The following DUSP15 variants were observed in gnomAD, a reference collection of about 807,000 sequenced individuals.
DUSP15 encodes dual specificity phosphatase 15, also known as dual specificity protein phosphatase 15.
DUSP15 carries 23 observed loss-of-function variants against 26.3 expected under a neutral mutation model. The ratio of observed to expected loss-of-function variants is 0.87; its 90% CI spans 0.63 to 1.24. The LOEUF is 1.24. DUSP15 is among the 50% of genes most tolerant of loss of function. The pLI, the probability that DUSP15 is intolerant of heterozygous loss-of-function variation, is 0.00. For missense variants in DUSP15, 364 were observed against 320.6 expected, an observed-to-expected ratio of 1.14 and a Z score of -1.03; for synonymous variants, 143 against 135.5, an observed-to-expected ratio of 1.06 and a Z score of -0.39.
At chr20:31,866,655 G>A (rs956829775) in intron 3 of DUSP15, among the ~76,000 whole-genome samples, 2 of 152,186 alleles carry the variant, frequency 1.3e-5, no homozygotes, top group Non-Finnish European at 2.9e-5. Context: ...GCAGCCTTCT[G>A]GGGGCAGACA....
chr20:31,862,728 G>T lies in DUSP15; in HGVS notation c.278C>A (p.Ser93Tyr). 6.2e-7 allele frequency: 1 copy of T among 1,607,460 alleles called. No homozygotes were observed. Among genetic ancestry groups the T allele is most frequent in the Middle Eastern group, 1.7e-4 (1 of 6,034 alleles). ...NCLVHCFAGI[S>Y]RSTTIVTAYV... ...CGCTGTCACAATCGTGGTGCTGCGA[G>T]AGATGCCTGCAAAGCTGGGATCCCC... The change falls in exon 6 of 7, where the codon TCT becomes TAT. Residue 93 changes from serine to tyrosine, a missense_variant. Ser to Tyr is a moderately radical substitution (Grantham distance 144). Transcript: ENST00000339738.
Position 31,869,563 on chromosome 20 carries a change from C to T in DUSP15, c.55+1G>A. On this transcript the variant is annotated splice_donor_variant, in intron 2 of 6. Transcript: ENST00000339738. LOFTEE classifies it high-confidence loss of function. ...CTCGGGACAGAGTGGGCAGTGCTCA[C>T]CAATGAAGTTTCCGAGGTAGAGTCC... 6.2e-7 allele frequency: 1 copy of T among 1,612,850 alleles called. No individual in the cohort carries two copies. Among genetic ancestry groups the T allele is most frequent in the Non-Finnish European group, 8.5e-7 (1 of 1,179,544 alleles).
Position 31,861,530 on chromosome 20 carries a change from T to C in DUSP15, c.581A>G (p.Glu194Gly), listed in dbSNP as rs1408977499. 1 of 1,516,312 alleles carries C rather than the reference T, an allele frequency of 6.6e-7. No homozygotes were observed. The highest frequency in any genetic ancestry group is 2.6e-5 in the East Asian group (1 of 38,192). The allele number at this position is 1,516,312 out of a possible 1,614,324, so 93.9% of individuals were successfully genotyped here. Residue 194 changes from glutamate (E) to glycine (G), a missense_variant, in exon 7 of 7, where the codon GAG becomes GGG. Physicochemically the swap from Glu to Gly is moderately conservative, Grantham distance 98. Transcript: ENST00000339738. ...CGGCACCAGGCGCTGCACGGTTCCC[T>C]CGGAGGCTGCTGAGTGCGGCCCGGC... ...SSAGPHSAAS[E>G]GTVQRLVPRT...
intron 2 of DUSP15, 84 bp from the exon 3 acceptor site, chr20:31,867,237 G>T: frequency 8.1e-7 from 1 of 1,240,392 alleles, no homozygotes; most frequent in Non-Finnish European, 1.2e-6. Flanking sequence ...TGCCTGCCCA[G>T]CTCTCCCTCT....
rs1289312853 is a variant in DUSP15 at position 31,863,935 on chromosome 20, G to T, written c.235C>A (p.Leu79Ile). 6.2e-7 allele frequency: 1 copy of T among 1,613,728 alleles called. No homozygotes were observed. Among genetic ancestry groups the T allele is most frequent in the East Asian group, 2.2e-5 (1 of 44,856 alleles). Reference protein sequence around the residue: ...ECINFIHCCRLNGGNCLVHCF... With the variant: ...ECINFIHCCRINGGNCLVHCF... ...TGCACAAGGCAGTTCCCCCCATTAA[G>T]GCGGCAGCAGTGGATGAAGTTGATA... is the stretch of plus-strand genomic sequence containing the variant. The change falls in exon 5 of 7, where the codon CTT becomes ATT. Residue 79 changes from leucine (L) to isoleucine (I), a missense_variant. Coordinates refer to ENST00000339738, the MANE Select transcript of DUSP15 (RefSeq NM_080611.5).
At chr20:31,852,234 C>A (rs955510624) in intron 6 of DUSP15, among the ~76,000 whole-genome samples, 1 of 152,156 alleles carries the variant, frequency 6.6e-6, no homozygotes. Context: ...GCCTCAAACT[C>A]TTGATCTCAG....
intron 1 of DUSP15, 115 bp from the exon 2 acceptor site, chr20:31,869,712 G>T: frequency 6.5e-7 from 1 of 1,533,260 alleles, no homozygotes; most frequent in Admixed American, 2.0e-5. Context: ...GGACCTCAGG[G>T]CTCAGGGAGC....
At position 31,870,511 on chromosome 20, in the gene DUSP15, C is replaced by A. The variant is rs2062900763; in HGVS notation, c.-174G>T. 2.8e-5 allele frequency: 40 copies of A among 1,417,618 alleles called. No individual in the cohort carries two copies. Among genetic ancestry groups the A allele is most frequent in the Non-Finnish European group, 3.6e-5 (39 of 1,088,830 alleles). The allele number at this position is 1,417,618 out of a possible 1,614,324, so 87.8% of individuals were successfully genotyped here. ...GCCACCGCCACCGCCCGCCGACCCC[C>A]GGCCCGGGAGGGAAATGGTGGTGGA... is the stretch of plus-strand genomic sequence containing the variant. On this transcript the variant is annotated 5_prime_UTR_variant, in exon 1 of 7. Transcript: ENST00000339738. This position sits in a 1 kb window ranked among gnomAD's most constrained non-coding sequence, Gnocchi z 6.6.
At chr20:31,864,031 G>A in intron 4 of DUSP15, 50 bp from the exon 5 acceptor site, 1 of 1,609,232 alleles carries the variant, frequency 6.2e-7, no homozygotes, top group Admixed American at 1.7e-5. Context: ...AGACCTCTCA[G>A]GAGTTGTTCC....
In DUSP15 at chr20:31,861,605, A is replaced by T; in HGVS notation, c.506T>A (p.Leu169Gln). Residue 169 changes from leucine to glutamine, a missense_variant, in exon 7 of 7, where the codon CTG (leucine) becomes CAG (glutamine). By Grantham distance (113) the Leu-to-Gln change is moderately radical. Coordinates refer to ENST00000339738, the MANE Select transcript of DUSP15 (RefSeq NM_080611.5). ...FRDEEELRALLPLCKRCRQGS... is the reference protein window; with the variant it reads ...FRDEEELRALQPLCKRCRQGS... ...CTGCCGGCAGCGCTTGCACAGCGGC[A>T]GCAGCGCGCGCAACTCCTCCTCGTC... The T allele has an allele frequency of 6.7e-7, 1 of 1,489,022 alleles. No individual in the cohort carries two copies. Among genetic ancestry groups the T allele is most frequent in the Non-Finnish European group, 8.9e-7 (1 of 1,127,672 alleles). The allele number at this position is 1,489,022 out of a possible 1,614,324, so 92.2% of individuals were successfully genotyped here. A position where few individuals can be genotyped will look rare whatever the true frequency, so the allele number is the denominator to read the frequency against.
chr20:31,863,914 C>A lies in DUSP15; in HGVS notation c.256G>T (p.Val86Leu). ...CCCCTCCGCTTAACTCACCAGTGCA[C>A]AAGGCAGTTCCCCCCATTAAGGCGG... ...CCRLNGGNCL[V>L]HCFAGISRST... is the part of the protein sequence containing the mutation. Residue 86 changes from valine (V) to leucine (L), a missense_variant, in exon 5 of 7, where the codon GTG becomes TTG. By Grantham distance (32) the Val-to-Leu change is conservative. Coordinates refer to ENST00000339738, the MANE Select transcript of DUSP15 (RefSeq NM_080611.5). The A allele has an allele frequency of 3.7e-6, 6 of 1,613,920 alleles. No individual in the cohort carries two copies. Among genetic ancestry groups the A allele is most frequent in the South Asian group, 1.1e-5 (1 of 91,078 alleles).
chr20:31,868,957 G>A (rs946307225), intron 2 of DUSP15, among the ~76,000 whole-genome samples: 21 of 152,162 alleles, frequency 1.4e-4, no homozygotes, highest in African/African-American at 3.9e-4. Context: ...AAAGCTTGCC[G>A]GCTCACCGCC....
intron 6 of DUSP15, among the ~76,000 whole-genome samples, chr20:31,854,905 C>T (rs2062536882): frequency 6.6e-6 from 1 of 152,350 alleles, no homozygotes; most frequent in South Asian, 2.1e-4. Flanking sequence ...ATACCATTTT[C>T]ATCAACCAAC....
chr20:31,866,848 A>G (rs1273487316), intron 3 of DUSP15, among the ~76,000 whole-genome samples: 1 of 152,146 alleles, frequency 6.6e-6, no homozygotes, highest in Non-Finnish European at 1.5e-5. Flanking sequence ...TTCATACCCC[A>G]ACTCCTCAGC....
exon 10 of DUSP15, chr20:31,848,498 C>A: frequency 6.2e-7 from 1 of 1,610,676 alleles, no homozygotes. Context: ...GGTTGAGGAC[C>A]CATCTGGGCG....
chr20:31,856,336 G>C (rs1324949575), downstream of DUSP15, among the ~76,000 whole-genome samples: 1 of 152,136 alleles, frequency 6.6e-6, no homozygotes, highest in Non-Finnish European at 1.5e-5. Context: ...GTGAGGAATT[G>C]AGACTCCTTC....
At chr20:31,862,148 G>GCTT (rs2062674687) in intron 6 of DUSP15, among the ~76,000 whole-genome samples, 1 of 152,106 alleles carries the variant, frequency 6.6e-6, no homozygotes, top group Non-Finnish European at 1.5e-5. Context: ...TCCCAGGGAG[G>GCTT]CTTAGTTCCT....
Position 31,848,489 on chromosome 20 carries a change from G to T in DUSP15, c.803C>A (p.Thr268Asn), listed in dbSNP as rs116293399. 6.8e-4 allele frequency: 1,090 copies of T among 1,611,708 alleles called. 9 individuals carry two copies. The African/African-American group carries it at 0.013, about 19-fold the overall frequency. Residue 268 changes from threonine to asparagine, a missense_variant, in exon 10 of 10, where the codon ACC becomes AAC. By Grantham distance (65) the Thr-to-Asn change is moderately conservative. Transcript: ENST00000278979. ...AGTGATGCCATCGGGGTTGCCAGGG[G>T]TTGAGGACCCATCTGGGCGCTCGGT...
intron 6 of DUSP15, among the ~76,000 whole-genome samples, chr20:31,851,042 G>A (rs1332874278): frequency 2.0e-5 from 3 of 152,222 alleles, no homozygotes; most frequent in Non-Finnish European, 4.4e-5. Flanking sequence ...TAAAAGGGCT[G>A]GCTGTCCAAT....
Sources: gnomAD v4.1 joint callset for allele counts (sites outside exome capture counted in the v4.1 genomes callset) on GRCh38, gnomAD v4.1.1 for gene constraint, Gnocchi (gnomAD v3.1) non-coding constraint, MANE v1.5 for transcripts, NCBI Gene and HGNC (gene_info 2026-07-23, HGNC 2026-07-21) for gene names.